Variants in XNDC1N observed in about 807,000 individuals in gnomAD.
The protein encoded by XNDC1N is protein XNDC1N.
the XNDC1N span, chr11:71,865,880 A>ACAAC: frequency 2.2e-6 from 1 of 446,082 alleles, no homozygotes; most frequent in African/African-American, 2.1e-5. Flanking sequence ...AAGTAAATAA[A>ACAAC]CAAACAAATA....
chr11:71,867,055 AGG>A, the XNDC1N span, among the ~76,000 whole-genome samples: 3 of 152,210 alleles, frequency 2.0e-5, no homozygotes, highest in African/African-American at 7.2e-5. Context: ...TAACCTTGAA[AGG>A]TTTTTATATT....
the XNDC1N span, among the ~76,000 whole-genome samples, chr11:71,892,702 C>T: frequency 9.3e-4 from 142 of 151,944 alleles, no homozygotes; most frequent in South Asian, 0.016. Context: ...TTAATTTTCA[C>T]TGGAGACGGG....
At chr11:71,920,812 C>T in the XNDC1N span, among the ~76,000 whole-genome samples, 1 of 152,058 alleles carries the variant, frequency 6.6e-6, no homozygotes, top group African/African-American at 2.4e-5. Flanking sequence ...AAACTACTTT[C>T]TCTCTCTGGG....
chr11:71,865,564 C>A, the XNDC1N span: 121 of 157,492 alleles, frequency 7.7e-4, no homozygotes, highest in Non-Finnish European at 1.5e-3. Context: ...ATTAAGAAAG[C>A]AAAGGAATAA....
At chr11:71,909,104 C>T in the XNDC1N span, among the ~76,000 whole-genome samples, 2 of 152,140 alleles carry the variant, frequency 1.3e-5, no homozygotes, top group East Asian at 1.9e-4. Flanking sequence ...AAAATCAGCA[C>T]ATGATTCACA....
chr11:71,914,501 A>G, the XNDC1N span: 1 of 393,834 alleles, frequency 2.5e-6, no homozygotes, highest in Non-Finnish European at 5.0e-6. Flanking sequence ...AGCCTGGTCA[A>G]CATGGTGAAA....
chr11:71,915,878 T>C, the XNDC1N span, among the ~76,000 whole-genome samples: 9 of 152,294 alleles, frequency 5.9e-5, no homozygotes, highest in South Asian at 1.7e-3. Context: ...ACTTGCATAT[T>C]CCACGTGTGA....
the XNDC1N span, chr11:71,928,474 CTCTTCCG>C: frequency 1.0e-5 from 7 of 702,510 alleles, no homozygotes; most frequent in Non-Finnish European, 1.8e-5. Flanking sequence ...CCGAGAGCTA[CTCTTCCG>C]TCTTCCGTAG....
the XNDC1N span, chr11:71,904,094 T>C: frequency 1.9e-5 from 10 of 517,886 alleles, no homozygotes; most frequent in Non-Finnish European, 3.5e-5. Flanking sequence ...AAAAGTGTCC[T>C]GCGGCGGCCG....
chr11:71,921,019 G>T, the XNDC1N span, among the ~76,000 whole-genome samples: 16 of 152,078 alleles, frequency 1.1e-4, no homozygotes, highest in East Asian at 3.1e-3. Flanking sequence ...TAGAGACAGG[G>T]TCTTGCCCAG....
chr11:71,893,840 T>C, the XNDC1N span: 1 of 980,342 alleles, frequency 1.0e-6, no homozygotes, highest in South Asian at 1.4e-5. Context: ...GACTGCTTTG[T>C]AGCCATCTGT....
At chr11:71,902,736 A>G in the XNDC1N span, among the ~76,000 whole-genome samples, 1 of 152,270 alleles carries the variant, frequency 6.6e-6, no homozygotes, top group Non-Finnish European at 1.5e-5. Context: ...GTGTTTACAA[A>G]TGTTCTAAAT....
At chr11:71,878,814 A>G in the XNDC1N span, among the ~76,000 whole-genome samples, 11 of 151,408 alleles carry the variant, frequency 7.3e-5, no homozygotes, top group Admixed American at 1.3e-4. Context: ...AACAGGGTGA[A>G]ACCCCATCTC....
the XNDC1N span, among the ~76,000 whole-genome samples, chr11:71,889,526 G>T: frequency 6.6e-6 from 1 of 152,214 alleles, no homozygotes; most frequent in Admixed American, 6.5e-5. Flanking sequence ...GGATGGATTC[G>T]GTTAGCAGAT....
At chr11:71,903,618 CT>C in the XNDC1N span, 18 of 575,974 alleles carry the variant, frequency 3.1e-5, no homozygotes, top group Non-Finnish European at 5.0e-5. Context: ...GTTTCTGTGG[CT>C]TCCTAGATTT....
chr11:71,917,071 T>C, the XNDC1N span: 1 of 234,300 alleles, frequency 4.3e-6, no homozygotes, highest in East Asian at 1.0e-4. Flanking sequence ...TGGAGTGCAA[T>C]GGCCCAATCT....
At chr11:71,927,310 G>C in the XNDC1N span, among the ~76,000 whole-genome samples, 46 of 152,112 alleles carry the variant, frequency 3.0e-4, 1 homozygote, top group Admixed American at 2.8e-3. Flanking sequence ...GAGGCGGGTG[G>C]ATCACTTAAG....
the XNDC1N span, chr11:71,923,393 C>T: frequency 1.1e-4 from 80 of 701,954 alleles, no homozygotes; most frequent in Middle Eastern, 1.1e-3. Flanking sequence ...GACAAAAATG[C>T]TTCCTCTCAA....
chr11:71,906,807 G>A, the XNDC1N span, among the ~76,000 whole-genome samples: 1 of 152,108 alleles, frequency 6.6e-6, no homozygotes, highest in Non-Finnish European at 1.5e-5. Context: ...AATTTCACAA[G>A]GTGTGCAACA....
Sources: allele counts gnomAD v4.1 joint callset (sites outside exome capture counted in the v4.1 genomes callset), GRCh38; gene constraint gnomAD v4.1.1; transcripts MANE v1.5; gene names NCBI Gene and HGNC (gene_info 2026-07-23, HGNC 2026-07-21).